The following ADAMTS6 variants were observed in gnomAD, a reference collection of about 807,000 sequenced individuals.
ADAMTS6 encodes ADAM metallopeptidase with thrombospondin type 1 motif 6.
Under a neutral mutation model 144.3 loss-of-function variants are expected in ADAMTS6, and 23 were observed. The observed-to-expected ratio is 0.16, with a 90% CI of 0.11 to 0.23. The LOEUF (loss-of-function observed/expected upper bound fraction) is 0.23. Ranked by LOEUF, ADAMTS6 falls within the 10% of genes least tolerant of loss-of-function variation. The probability of loss-of-function intolerance (pLI) is 1.00; values close to 1 mark genes in which losing one functional copy is unlikely to be tolerated. For synonymous variants in ADAMTS6, 444 were observed against 457.5 expected, an observed-to-expected ratio of 0.97 and a Z score of 0.38; for missense variants, 999 against 1,379.6, an observed-to-expected ratio of 0.72 and a Z score of 4.37.
intron 15 of ADAMTS6, among the ~76,000 whole-genome samples, chr5:65,226,949 T>C (rs1018477023): frequency 6.6e-6 from 1 of 152,306 alleles, no homozygotes; most frequent in East Asian, 1.9e-4. Flanking sequence ...CAGAAGTTTC[T>C]GCTACATATG....
In ADAMTS6 at chr5:65,283,895, G is replaced by A. The variant is rs542034704; in HGVS notation, c.1512+7434C>T. ...ACAATTTGTTACCAGCAATCAAACTGTAATAAGTGTTCCAAAACCAGAAAA... is the reference window on the plus strand; with the variant it reads ...ACAATTTGTTACCAGCAATCAAACTATAATAAGTGTTCCAAAACCAGAAAA... On this transcript the variant is annotated intron_variant, in intron 11 of 24. Coordinates refer to ENST00000381055, the MANE Select transcript of ADAMTS6 (RefSeq NM_197941.4). Among the ~76,000 whole-genome samples the A allele has an allele frequency of 2.0e-5, 3 of 152,174 alleles. No individual in the cohort carries two copies. The East Asian group carries it at 5.8e-4, about 29-fold the overall frequency.
intron 11 of ADAMTS6, among the ~76,000 whole-genome samples, chr5:65,290,461 G>T (rs1464377518): frequency 6.6e-6 from 1 of 152,068 alleles, no homozygotes; most frequent in Non-Finnish European, 1.5e-5. Flanking sequence ...TGAGGCAGGA[G>T]AATTGCTTGA....
At chr5:65,200,404 A>G (rs1755656890) in intron 20 of ADAMTS6, among the ~76,000 whole-genome samples, 1 of 152,222 alleles carries the variant, frequency 6.6e-6, no homozygotes, top group South Asian at 2.1e-4. Flanking sequence ...TTATATGATC[A>G]AGCCTCTTGT....
intron 23 of ADAMTS6, among the ~76,000 whole-genome samples, chr5:65,171,256 G>A (rs148826976): frequency 0.014 from 2,131 of 152,056 alleles, 58 homozygotes; most frequent in African/African-American, 0.049. Context: ...TGATCTGCCC[G>A]CCTCAGCCTC....
intron 21 of ADAMTS6, among the ~76,000 whole-genome samples, chr5:65,189,686 T>C (rs1754893054): frequency 6.6e-6 from 1 of 152,240 alleles, no homozygotes; most frequent in Non-Finnish European, 1.5e-5. Flanking sequence ...TTCAAGGCAT[T>C]GTGCTTTGTT....
chr5:65,472,590 C>T (rs1012205065), intron 2 of ADAMTS6, among the ~76,000 whole-genome samples: 18 of 152,102 alleles, frequency 1.2e-4, no homozygotes, highest in Admixed American at 5.2e-4. Context: ...ATGTACTAAA[C>T]ATTTTCCATC....
At chr5:65,162,632 C>CACAT (rs1218802639) in intron 24 of ADAMTS6, among the ~76,000 whole-genome samples, 2 of 146,224 alleles carry the variant, frequency 1.4e-5, no homozygotes, top group Non-Finnish European at 3.0e-5. Context: ...CACACACACA[C>CACAT]ACACACACAC....
intron 7 of ADAMTS6, among the ~76,000 whole-genome samples, chr5:65,422,427 T>C (rs1449804246): frequency 6.6e-6 from 1 of 152,104 alleles, no homozygotes; most frequent in Non-Finnish European, 1.5e-5. Context: ...GTCAGGACCA[T>C]CCTGGCCAAC....
intron 20 of ADAMTS6, among the ~76,000 whole-genome samples, chr5:65,208,371 T>C (rs1756265525): frequency 6.6e-6 from 1 of 152,200 alleles, no homozygotes; most frequent in Non-Finnish European, 1.5e-5. Flanking sequence ...CATCATTGTT[T>C]AAAGTTCTCC....
intron 7 of ADAMTS6, among the ~76,000 whole-genome samples, chr5:65,366,327 T>C (rs963136533): frequency 6.6e-6 from 1 of 152,230 alleles, no homozygotes; most frequent in African/African-American, 2.4e-5. Flanking sequence ...AAGTACTATC[T>C]ATAACATTTT....
chr5:65,404,889 T>C (rs1231526775), intron 7 of ADAMTS6, among the ~76,000 whole-genome samples: 1 of 152,256 alleles, frequency 6.6e-6, no homozygotes, highest in Non-Finnish European at 1.5e-5. Context: ...ATTTCTCTGA[T>C]GGCCAGTGAT....
At chr5:65,160,593 C>T (rs1204214247) in intron 24 of ADAMTS6, among the ~76,000 whole-genome samples, 4 of 151,866 alleles carry the variant, frequency 2.6e-5, no homozygotes, top group Admixed American at 6.6e-5. Flanking sequence ...CGTGAGCCAC[C>T]GCGCCCGGCC....
intron 15 of ADAMTS6, 88 bp downstream of exon 15, chr5:65,242,016 A>G: frequency 1.2e-6 from 1 of 822,826 alleles, no homozygotes; most frequent in Non-Finnish European, 1.8e-6. Flanking sequence ...TATGTACATG[A>G]ATGTATGCAT....
At chr5:65,328,703 T>C (rs1217631265) in intron 9 of ADAMTS6, among the ~76,000 whole-genome samples, 1 of 151,674 alleles carries the variant, frequency 6.6e-6, no homozygotes, top group African/African-American at 2.4e-5. Context: ...AAGCTTCTCT[T>C]CCTCCACATG....
rs142425781 is a variant in ADAMTS6 at position 65,464,428 on chromosome 5, C to T, written c.463-4090G>A. ...AATATTTTTAAAAGAATGCAAAAAC[C>T]GTAATGATATGAAAATATCTGTGGT... On this transcript the variant is annotated intron_variant, in intron 3 of 24. Transcript: ENST00000381055. Among the ~76,000 whole-genome samples, 249 of 152,100 alleles carry T rather than the reference C, an allele frequency of 1.6e-3. 2 individuals carry two copies. Among genetic ancestry groups the T allele is most frequent in the African/African-American group, 5.7e-3 (236 of 41,488 alleles).
chr5:65,443,848 A>G (rs1403980259), intron 7 of ADAMTS6, among the ~76,000 whole-genome samples: 2 of 151,972 alleles, frequency 1.3e-5, no homozygotes, highest in African/African-American at 4.8e-5. Flanking sequence ...GCATCAACAA[A>G]GAAACCTATA....
chr5:65,369,617 A>T (rs1369164813), intron 7 of ADAMTS6, among the ~76,000 whole-genome samples: 6 of 152,144 alleles, frequency 3.9e-5, no homozygotes, highest in Non-Finnish European at 8.8e-5. Context: ...GAAAACAACT[A>T]ATAAATCAAG....
At chr5:65,355,923 GTTTC>G (rs1167069890) in intron 7 of ADAMTS6, among the ~76,000 whole-genome samples, 4 of 151,660 alleles carry the variant, frequency 2.6e-5, no homozygotes, top group Non-Finnish European at 4.4e-5. Context: ...TACTCTAATT[GTTTC>G]TTTATTTTTA....
intron 9 of ADAMTS6, among the ~76,000 whole-genome samples, chr5:65,302,107 A>AATATAT (rs1200317185): frequency 2.1e-4 from 7 of 34,088 alleles, no homozygotes; most frequent in African/African-American, 7.7e-4. Context: ...AAAAAAAAAA[A>AATATAT]ATATATATAT....
Sources: allele counts gnomAD v4.1 joint callset (sites outside exome capture counted in the v4.1 genomes callset), GRCh38; gene constraint gnomAD v4.1.1; transcripts MANE v1.5; gene names NCBI Gene and HGNC (gene_info 2026-07-23, HGNC 2026-07-21).